COL28A1: variants seen among roughly 807,000 people sequenced by gnomAD.
The protein encoded by COL28A1 is collagen alpha-1(XXVIII) chain.
Under a neutral mutation model 150.2 loss-of-function variants are expected in COL28A1, and 161 were observed. The observed-to-expected ratio is 1.07, with a 90% CI of 0.94 to 1.22. The LOEUF is 1.22. Ranked by LOEUF, COL28A1 falls within the 50% of genes most tolerant of loss-of-function variation. COL28A1 has a pLI of 0.00. For missense variants in COL28A1, 1,617 were observed against 1,388.3 expected (o/e 1.16, Z -2.62); for synonymous variants, 552 against 469.7 (o/e 1.18, Z -2.26).
At chr7:7,378,241 G>A (rs538598438) in intron 30 of COL28A1, among the ~76,000 whole-genome samples, 1 of 152,188 alleles carries the variant, frequency 6.6e-6, no homozygotes, top group South Asian at 2.1e-4. Flanking sequence ...TTTTGAAACC[G>A]GTGTGTTTCT....
chr7:7,444,309 TAAAGAAA>T, intron 19 of COL28A1, 102 bp downstream of exon 19: 1 of 1,474,016 alleles, frequency 6.8e-7, no homozygotes, highest in Admixed American at 2.1e-5. Flanking sequence ...TATTTTTTCT[TAAAGAAA>T]CTAAGTTTGT....
At chr7:7,344,941 T>C in the COL28A1 span, among the ~76,000 whole-genome samples, 20 of 151,862 alleles carry the variant, frequency 1.3e-4, 1 homozygote, top group South Asian at 3.3e-3. Flanking sequence ...CAGCGCAAGA[T>C]CAAATTGCAG....
chr7:7,412,048 C>G (rs761801608), intron 27 of COL28A1, among the ~76,000 whole-genome samples: 4 of 151,998 alleles, frequency 2.6e-5, no homozygotes, highest in Non-Finnish European at 5.9e-5. Context: ...TTCACCAAAC[C>G]TCTGGTTCCT....
At chr7:7,534,986 A>G (rs1485501308) in intron 1 of COL28A1, among the ~76,000 whole-genome samples, 1 of 152,060 alleles carries the variant, frequency 6.6e-6, no homozygotes. Context: ...TCGTTTATTA[A>G]TTTGGCATCT....
chr7:7,373,414 T>G lies in COL28A1; in HGVS notation c.2492A>C (p.Asp831Ala). The change falls in exon 32 of 35, where the codon GAC becomes GCC. Residue 831 changes from aspartate to alanine, a missense_variant. Coordinates refer to ENST00000399429, the MANE Select transcript of COL28A1 (RefSeq NM_001037763.3). The surrounding 1 kb of genome is among the most constrained non-coding windows in gnomAD (Gnocchi z 4.1). ...TATGCCTATGCGGGCCGTGGCAAGG[T>G]CCAGAGCAACCCGGTCAGCCATAGT... ...VKTMADRVALDLATARIGIIN... is the reference protein window; with the variant it reads ...VKTMADRVALALATARIGIIN... 6.2e-7 allele frequency: 1 copy of G among 1,614,144 alleles called. No homozygotes were observed. The highest frequency in any genetic ancestry group is 1.3e-5 in the African/African-American group (1 of 75,024).
chr7:7,341,758 T>C, the COL28A1 span, among the ~76,000 whole-genome samples: 3 of 152,184 alleles, frequency 2.0e-5, no homozygotes, highest in Non-Finnish European at 2.9e-5. Context: ...GAGGATATTT[T>C]AGTGAACTTT....
Position 7,531,575 on chromosome 7 carries a change from C to T in COL28A1, c.454G>A (p.Gly152Ser). The T allele has an allele frequency of 6.2e-7, 1 of 1,603,852 alleles. No individual in the cohort carries two copies. The highest frequency in any genetic ancestry group is 8.5e-7 in the Non-Finnish European group (1 of 1,170,802). ...GTCATCAGCAAAACCACTTTCACAC[C>T]ATCCTTACGCCCTTCTCTCTTAAGT... ...RLLKREGRKD[G>S]VKVVLLMTDG... The change falls in exon 3 of 35, where the codon GGT becomes AGT. Residue 152 changes from glycine to serine, a missense_variant. Physicochemically the swap from Gly to Ser is moderately conservative, Grantham distance 56. Coordinates refer to ENST00000399429, the MANE Select transcript of COL28A1 (RefSeq NM_001037763.3).
intron 11 of COL28A1, among the ~76,000 whole-genome samples, chr7:7,501,743 G>A (rs1780538395): frequency 6.6e-6 from 1 of 152,148 alleles, no homozygotes; most frequent in Non-Finnish European, 1.5e-5. Flanking sequence ...ACAGCCCCAT[G>A]GAAGGCAGCA....
chr7:7,539,810 A>G (rs988083862), upstream of COL28A1, among the ~76,000 whole-genome samples: 3 of 152,150 alleles, frequency 2.0e-5, no homozygotes, highest in African/African-American at 7.2e-5. Context: ...TTCGGGGTAC[A>G]GCAACACGGA....
chr7:7,359,793 T>G (rs1780547320), intron 34 of COL28A1, among the ~76,000 whole-genome samples: 1 of 152,190 alleles, frequency 6.6e-6, no homozygotes, highest in African/African-American at 2.4e-5. Context: ...CAAATGGAAA[T>G]GAGCCATAGA....
chr7:7,465,347 C>CG (rs1287135414), intron 15 of COL28A1, among the ~76,000 whole-genome samples: 1 of 141,666 alleles, frequency 7.1e-6, no homozygotes, highest in Non-Finnish European at 1.5e-5. Context: ...GGGTGACGGA[C>CG]GCACCTGGAA....
chr7:7,391,796 CCCT>C (rs1562531832), intron 27 of COL28A1, among the ~76,000 whole-genome samples: 1 of 113,358 alleles, frequency 8.8e-6, no homozygotes, highest in South Asian at 3.3e-4. Context: ...GGATTGCAAC[CCCT>C]GCTTTTTTTT....
At chr7:7,347,549 C>A in the COL28A1 span, among the ~76,000 whole-genome samples, 1 of 152,106 alleles carries the variant, frequency 6.6e-6, no homozygotes. Context: ...AACTTCACTG[C>A]CCCAGGTTGC....
In COL28A1 at chr7:7,370,776, C is replaced by T; in HGVS notation, c.3015G>A (p.Gly1005=). ...SSPQPGFGMS[G]EELSESTPEP... ...CTGGAGTAGATTCACTGAGTTCTTC[C>T]CCTGACATCCCAAATCCAGGTTGAG... Residue 1005 remains glycine, a synonymous_variant, in exon 33 of 35, where the codon GGG becomes GGA. Coordinates refer to ENST00000399429, the MANE Select transcript of COL28A1 (RefSeq NM_001037763.3). 1 of 1,613,526 alleles carries T rather than the reference C, an allele frequency of 6.2e-7. No individual in the cohort carries two copies. Among genetic ancestry groups the T allele is most frequent in the East Asian group, 2.2e-5 (1 of 44,850 alleles).
At chr7:7,370,920 C>T (rs1781195292) in intron 32 of COL28A1, 38 bp from the exon 33 acceptor site, 2 of 1,363,486 alleles carry the variant, frequency 1.5e-6, no homozygotes, top group African/African-American at 2.9e-5. Flanking sequence ...ATAGTAGAAG[C>T]AATGAAACAA....
intron 15 of COL28A1, among the ~76,000 whole-genome samples, chr7:7,473,293 G>C (rs56885641): frequency 0.016 from 2,430 of 152,162 alleles, 60 homozygotes; most frequent in African/African-American, 0.055. Context: ...CTATACACCT[G>C]ACAAAGGACT....
chr7:7,420,396 A>G (rs1253894221), intron 25 of COL28A1: 1 of 152,570 alleles, frequency 6.6e-6, no homozygotes, highest in East Asian at 1.9e-4. Flanking sequence ...TCTAAAAAGG[A>G]TTTTCAGCTT....
intron 27 of COL28A1, among the ~76,000 whole-genome samples, chr7:7,400,515 C>T (rs1183236433): frequency 6.6e-6 from 1 of 152,162 alleles, no homozygotes; most frequent in Non-Finnish European, 1.5e-5. Context: ...AGGTGCCCTT[C>T]AGAATGTTGT....
intron 33 of COL28A1, among the ~76,000 whole-genome samples, chr7:7,365,469 C>T (rs1252057534): frequency 6.6e-6 from 1 of 152,132 alleles, no homozygotes; most frequent in Admixed American, 6.5e-5. Flanking sequence ...GTGTTATCAC[C>T]ATTCTCTTTC....
Sources: gnomAD v4.1 joint callset for allele counts (sites outside exome capture counted in the v4.1 genomes callset) on GRCh38, gnomAD v4.1.1 for gene constraint, Gnocchi (gnomAD v3.1) non-coding constraint, MANE v1.5 for transcripts, NCBI Gene and HGNC (gene_info 2026-07-23, HGNC 2026-07-21) for gene names.